ZNF831: variants seen among roughly 807,000 people sequenced by gnomAD.
ZNF831 encodes zinc finger protein 831, also known as chromosome 20 open reading frame 174.
In ZNF831, 59 loss-of-function variants were observed where a neutral mutation model predicts 95.8. The observed-to-expected ratio is 0.62, with a 90% confidence interval of 0.50 to 0.77. ZNF831 has a LOEUF of 0.77. Ranked by LOEUF, ZNF831 falls within the 30% of genes least tolerant of loss-of-function variation. The pLI is 0.00. For missense variants in ZNF831, 2,205 were observed against 2,164.0 expected (o/e 1.02, Z -0.38); for synonymous variants, 961 against 925.5 (o/e 1.04, Z -0.70).
Position 59,191,685 on chromosome 20 carries a change from GC to G in ZNF831, c.672del (p.Arg225AspfsTer37). 1 of 1,558,712 alleles carries G rather than the reference GC, an allele frequency of 6.4e-7. No individual in the cohort carries two copies. Among genetic ancestry groups the G allele is most frequent in the Non-Finnish European group, 8.7e-7 (1 of 1,152,376 alleles). ...LLEEGDKAGE[P>X]PRPEGRGESR... The stretch of plus-strand genomic sequence containing the variant: ...TGGAGGAAGGGGACAAGGCCGGAGA[GC>G]CCCCCAGACCAGAGGGCAGGGGCGA... On this transcript the variant is annotated frameshift_variant, in exon 2 of 6. Coordinates refer to ENST00000371030, the MANE Select transcript of ZNF831 (RefSeq NM_178457.3). LOFTEE classifies it high-confidence loss of function.
rs145517008 is a variant in ZNF831, at chr20:59,143,190, C to T, written c.-1424-3041C>T. On this transcript the variant is annotated intron_variant, in intron 1 of 7. Transcript: ENST00000637017. ...CTTAGATTACAGGTGTGAGCCACTG[C>T]ACCTGGCCCTGCTTTTGTTTTTTAT... Among the ~76,000 whole-genome samples the T allele has an allele frequency of 2.6e-3, 398 of 152,336 alleles. 1 individual carries two copies. The highest frequency in any genetic ancestry group is 9.2e-3 in the African/African-American group (381 of 41,576).
intron 4 of ZNF831, among the ~76,000 whole-genome samples, chr20:59,229,846 CA>C (rs1986631594): frequency 6.6e-6 from 1 of 152,136 alleles, no homozygotes; most frequent in African/African-American, 2.4e-5. Context: ...GTATGCCTTT[CA>C]AAAGCTCTCT....
chr20:59,189,371 G>A (rs1054712729), intron 1 of ZNF831, among the ~76,000 whole-genome samples: 29 of 152,034 alleles, frequency 1.9e-4, no homozygotes, highest in Non-Finnish European at 3.5e-4. Flanking sequence ...TTTATGTAAC[G>A]TATCTTTTAA....
intron 1 of ZNF831, among the ~76,000 whole-genome samples, chr20:59,129,212 G>A (rs1051432517): frequency 1.3e-5 from 2 of 152,146 alleles, no homozygotes; most frequent in Admixed American, 1.3e-4. Flanking sequence ...ATTTGTGTGT[G>A]TGTATGTTGT....
At chr20:59,242,294 T>C (rs1232637875) in intron 4 of ZNF831, among the ~76,000 whole-genome samples, 1 of 152,208 alleles carries the variant, frequency 6.6e-6, no homozygotes, top group Non-Finnish European at 1.5e-5. Flanking sequence ...CTCTCTCCAA[T>C]ACCTTAATTA....
chr20:59,215,766 A>G (rs1398950795), intron 4 of ZNF831, among the ~76,000 whole-genome samples: 1 of 152,234 alleles, frequency 6.6e-6, no homozygotes, highest in Non-Finnish European at 1.5e-5. Context: ...AGGTGCACTT[A>G]CAAAAAAACT....
intron 2 of ZNF831, chr20:59,146,952 A>C (rs569491650): frequency 2.6e-5 from 4 of 152,440 alleles, no homozygotes; most frequent in African/African-American, 4.8e-5. Context: ...GGACCTCGGC[A>C]TGGAAAATAC....
chr20:59,225,449 T>C (rs1986367491), intron 4 of ZNF831, among the ~76,000 whole-genome samples: 1 of 152,198 alleles, frequency 6.6e-6, no homozygotes, highest in Admixed American at 6.5e-5. Flanking sequence ...CAGTCATCTG[T>C]GTAGTTTGAT....
chr20:59,182,268 G>A (rs971159452), intron 1 of ZNF831, among the ~76,000 whole-genome samples: 2 of 152,164 alleles, frequency 1.3e-5, no homozygotes, highest in African/African-American at 2.4e-5. Flanking sequence ...GCAGATCAAG[G>A]TAATACTGAT....
intron 2 of ZNF831, among the ~76,000 whole-genome samples, chr20:59,149,005 G>A (rs1273537747): frequency 2.0e-5 from 3 of 152,202 alleles, no homozygotes; most frequent in Non-Finnish European, 2.9e-5. Context: ...AGGCTGTGAG[G>A]GGCAGAGCCA....
chr20:59,257,135 G>T lies in ZNF831; in HGVS notation c.*2392G>T, dbSNP rs939838550. 3.9e-5 allele frequency: 6 copies of T among 152,164 alleles called. No individual in the cohort carries two copies. Among genetic ancestry groups the T allele is most frequent in the African/African-American group, 1.4e-4 (6 of 41,432 alleles). 9.4% of individuals were successfully genotyped at this position (152,164 alleles called of 1,614,324 possible). ...CTCTGTCCCTATAGGAGCCACCGTT[G>T]CCAGCTGTCACATCCCAACCTAGGT... is the stretch of plus-strand genomic sequence containing the variant. On this transcript the variant is annotated 3_prime_UTR_variant, in exon 6 of 6. Transcript: ENST00000371030.
intron 4 of ZNF831, among the ~76,000 whole-genome samples, chr20:59,216,568 C>T (rs935773241): frequency 6.6e-6 from 1 of 152,192 alleles, no homozygotes; most frequent in African/African-American, 2.4e-5. Context: ...GGTGGGCATG[C>T]TGCCTGTGCC....
At chr20:59,207,650 A>G (rs143440636) in intron 4 of ZNF831, among the ~76,000 whole-genome samples, 3 of 152,282 alleles carry the variant, frequency 2.0e-5, no homozygotes, top group Non-Finnish European at 4.4e-5. Context: ...ACCGGGGCAA[A>G]TGGCTCAACT....
chr20:59,194,512 C>G lies in ZNF831; in HGVS notation c.3493C>G (p.Arg1165Gly), dbSNP rs374702146. Residue 1165 changes from arginine to glycine, a missense_variant, in exon 2 of 6, where the codon CGC becomes GGC. By Grantham distance (125) the Arg-to-Gly change is moderately radical (BLOSUM62 -2). Coordinates refer to ENST00000371030, the MANE Select transcript of ZNF831 (RefSeq NM_178457.3). ...AGGGACGTCCCGGAGCCACAGCACC[C>G]GCAGTCCCCACAGCACCCAAAACCC... ...HSGTSRSHSTRSPHSTQNPFP... is the reference protein window; with the variant it reads ...HSGTSRSHSTGSPHSTQNPFP... 2.5e-6 allele frequency: 4 copies of G among 1,609,698 alleles called. No homozygotes were observed. Among genetic ancestry groups the G allele is most frequent in the Non-Finnish European group, 3.4e-6 (4 of 1,177,942 alleles).
In ZNF831 at chr20:59,245,515, A is replaced by G. The variant is rs1400661865; in HGVS notation, c.4028-7463A>G. On this transcript the variant is annotated intron_variant, in intron 4 of 5. Coordinates refer to ENST00000371030, the MANE Select transcript of ZNF831 (RefSeq NM_178457.3). Reference sequence around the variant, plus strand: ...CTGGGCACTGCTGACATTTGGCGACACTCCATTATTTGTTGCAGTGTGGGA... The same window carrying G: ...CTGGGCACTGCTGACATTTGGCGACGCTCCATTATTTGTTGCAGTGTGGGA... Among the ~76,000 whole-genome samples, 3 of 152,034 alleles carry G rather than the reference A, an allele frequency of 2.0e-5. No individual in the cohort carries two copies. The South Asian group carries it at 6.2e-4, about 32-fold the overall frequency.
rs755204091 is a variant in ZNF831 at position 59,192,505 on chromosome 20, G to A, written c.1486G>A (p.Val496Met). Residue 496 changes from valine (V) to methionine (M), a missense_variant, in exon 2 of 6, where the codon GTG becomes ATG. Transcript: ENST00000371030. The surrounding 1 kb of genome is among the most constrained non-coding windows in gnomAD (Gnocchi z 5.2). ...CGTCCCCACTCAGCTCTCCACCACCGTGGAATGTGTCCCCGTCACCAGGAG... is the reference window on the plus strand; with the variant it reads ...CGTCCCCACTCAGCTCTCCACCACCATGGAATGTGTCCCCGTCACCAGGAG... ...HSVPTQLSTTVECVPVTRSNS... is the reference protein window; with the variant it reads ...HSVPTQLSTTMECVPVTRSNS... The A allele has an allele frequency of 1.9e-5, 29 of 1,549,284 alleles. No homozygotes were observed. In the East Asian group the frequency reaches 5.2e-4, roughly 28 times the overall value.
intron 4 of ZNF831, among the ~76,000 whole-genome samples, chr20:59,240,138 C>A (rs1260134439): frequency 6.6e-6 from 1 of 151,124 alleles, no homozygotes; most frequent in African/African-American, 2.4e-5. Context: ...CCCCACAGTC[C>A]CCCAGCTGCT....
chr20:59,199,567 T>G (rs936718391), intron 3 of ZNF831, among the ~76,000 whole-genome samples: 2 of 152,198 alleles, frequency 1.3e-5, no homozygotes, highest in Non-Finnish European at 2.9e-5. Flanking sequence ...ATCAAATTCA[T>G]TCATTCTGAT....
intron 1 of ZNF831, among the ~76,000 whole-genome samples, chr20:59,142,029 G>A (rs1979698736): frequency 6.6e-6 from 1 of 152,146 alleles, no homozygotes; most frequent in African/African-American, 2.4e-5. Context: ...GCTTAGTGGT[G>A]TCTGTGTGGC....
Sources: gnomAD v4.1 joint callset for allele counts (sites outside exome capture counted in the v4.1 genomes callset) on GRCh38, gnomAD v4.1.1 for gene constraint, Gnocchi (gnomAD v3.1) non-coding constraint, MANE v1.5 for transcripts, NCBI Gene and HGNC (gene_info 2026-07-23, HGNC 2026-07-21) for gene names.